Variants in ZNF782 observed in about 807,000 individuals in gnomAD.
The protein encoded by ZNF782 is zinc finger protein 782.
Under a neutral mutation model 13.0 loss-of-function variants are expected in ZNF782, and 12 were observed. The ratio of observed to expected loss-of-function variants is 0.92; its 90% CI spans 0.59 to 1.50. ZNF782 has a LOEUF of 1.50. ZNF782 is among the 40% of genes most tolerant of loss of function. ZNF782 has a pLI of 0.00. For missense variants in ZNF782, 770 were observed against 822.9 expected, an observed-to-expected ratio of 0.94 and a Z score of 0.79; for synonymous variants, 284 against 283.0, an observed-to-expected ratio of 1.00 and a Z score of -0.04.
chr9:96,859,366 C>A (rs768353729), upstream of ZNF782, among the ~76,000 whole-genome samples: 2 of 152,076 alleles, frequency 1.3e-5, no homozygotes, highest in African/African-American at 4.8e-5. Flanking sequence ...CTGACAGAGA[C>A]CTCTTTCTTC....
At chr9:96,858,145 T>G (rs185465982), upstream of ZNF782, among the ~76,000 whole-genome samples, 1 of 152,320 alleles carries the variant, frequency 6.6e-6, no homozygotes, top group East Asian at 1.9e-4. This position sits in a 1 kb window ranked among gnomAD's most constrained non-coding sequence, Gnocchi z 4.4. Flanking sequence ...CATTGTGCAT[T>G]TGCTCTTGCT....
At chr9:96,930,872 G>GTTTTTTTTTT in the ZNF782 span, among the ~76,000 whole-genome samples, 31 of 72,724 alleles carry the variant, frequency 4.3e-4, 7 homozygotes, top group Non-Finnish European at 5.0e-4. Flanking sequence ...CCATCCAGTG[G>GTTTTTTTTTT]TTTTTTTTTT....
At chr9:96,916,750 G>T in the ZNF782 span, among the ~76,000 whole-genome samples, 1 of 150,974 alleles carries the variant, frequency 6.6e-6, no homozygotes, top group African/African-American at 2.4e-5. Flanking sequence ...GAAGGGGGAA[G>T]GGAGGAGGGC....
the ZNF782 span, among the ~76,000 whole-genome samples, chr9:96,927,133 A>T: frequency 2.6e-4 from 40 of 152,298 alleles, no homozygotes; most frequent in East Asian, 1.9e-4. Flanking sequence ...AGGCTACAAT[A>T]ATTCCCATGC....
chr9:96,839,055 T>C (rs1046861707), intron 4 of ZNF782, among the ~76,000 whole-genome samples: 4 of 152,116 alleles, frequency 2.6e-5, no homozygotes, highest in African/African-American at 9.7e-5. Context: ...GGAAGAGTCC[T>C]GGCTTACCAC....
At chr9:96,830,891 G>T (rs1207973185) in intron 4 of ZNF782, among the ~76,000 whole-genome samples, 1 of 152,152 alleles carries the variant, frequency 6.6e-6, no homozygotes, top group African/African-American at 2.4e-5. Flanking sequence ...TATGAAGTAG[G>T]TATTTTAGAG....
At chr9:96,886,420 C>A in the ZNF782 span, among the ~76,000 whole-genome samples, 1 of 152,052 alleles carries the variant, frequency 6.6e-6, no homozygotes, top group Non-Finnish European at 1.5e-5. Flanking sequence ...AAACTCTACA[C>A]CTAATATGGT....
the ZNF782 span, chr9:96,894,146 G>A: frequency 6.6e-6 from 1 of 151,970 alleles, no homozygotes; most frequent in Non-Finnish European, 1.5e-5. Context: ...TGAACAATGA[G>A]AACACATGGA....
chr9:96,845,722 G>A (rs1410830349), intron 3 of ZNF782, among the ~76,000 whole-genome samples: 5 of 152,098 alleles, frequency 3.3e-5, no homozygotes, highest in Non-Finnish European at 7.4e-5. Flanking sequence ...CCAAACCTAA[G>A]AATAATTGAT....
At chr9:96,900,170 G>C in the ZNF782 span, among the ~76,000 whole-genome samples, 11 of 151,168 alleles carry the variant, frequency 7.3e-5, no homozygotes, top group Non-Finnish European at 1.0e-4. Flanking sequence ...TAAGCTCACA[G>C]AGCTGGGTCC....
chr9:96,831,702 G>C, intron 4 of ZNF782, among the ~76,000 whole-genome samples: 1 of 143,840 alleles, frequency 7.0e-6, no homozygotes, highest in Non-Finnish European at 1.5e-5. Context: ...GACAGAGTGA[G>C]ACTCTGTCTC....
chr9:96,862,548 C>CT (rs1216835498), intron 1 of ZNF782, among the ~76,000 whole-genome samples: 1 of 152,148 alleles, frequency 6.6e-6, no homozygotes, highest in Admixed American at 6.5e-5. Context: ...AATTACCACA[C>CT]TGTATATTTA....
the ZNF782 span, chr9:96,891,407 A>C: frequency 6.6e-6 from 1 of 152,372 alleles, no homozygotes; most frequent in Admixed American, 6.5e-5. Context: ...TAACATTTAC[A>C]TATAATGAAA....
intron 1 of ZNF782, among the ~76,000 whole-genome samples, chr9:96,867,821 G>C (rs968413968): frequency 4.6e-5 from 7 of 152,120 alleles, no homozygotes; most frequent in Non-Finnish European, 8.8e-5. Context: ...CCCAAACTTG[G>C]GGTGCTGGAT....
chr9:96,874,472 T>C lies in ZNF782; in HGVS notation c.-457+996A>G, dbSNP rs1399828293. Among the ~76,000 whole-genome samples, 4 of 152,186 alleles carry C rather than the reference T, an allele frequency of 2.6e-5. No individual in the cohort carries two copies. In the South Asian group the frequency reaches 6.2e-4, roughly 24 times the overall value. On this transcript the variant is annotated intron_variant, in intron 1 of 5. Coordinates refer to the ZNF782 transcript ENST00000498811. ...TTTCCACCCTCTGCCTGCTTACCTC[T>C]TACCCCTAGACCTCCCCACAAGCTC... is the stretch of plus-strand genomic sequence containing the variant.
upstream of ZNF782, among the ~76,000 whole-genome samples, chr9:96,878,452 C>T (rs1851920897): frequency 6.6e-6 from 1 of 152,154 alleles, no homozygotes; most frequent in Non-Finnish European, 1.5e-5. Context: ...AATGTAGCTC[C>T]CCCTCCTAAT....
upstream of ZNF782, among the ~76,000 whole-genome samples, chr9:96,855,489 A>G (rs151192206): frequency 6.5e-4 from 99 of 152,330 alleles, no homozygotes; most frequent in Middle Eastern, 3.4e-3. Context: ...GCTCCCACTT[A>G]TGAGTGAGAA....
chr9:96,917,546 C>T, the ZNF782 span, among the ~76,000 whole-genome samples: 3 of 151,716 alleles, frequency 2.0e-5, no homozygotes, highest in South Asian at 4.2e-4. Context: ...ATTCTCCTAC[C>T]TTAGCCTCCC....
At chr9:96,927,700 G>C in the ZNF782 span, among the ~76,000 whole-genome samples, 32,336 of 151,178 alleles carry the variant, frequency 0.21, 8,960 homozygotes, top group African/African-American at 0.64. Context: ...AAAGTGTACT[G>C]TAAATGTCAT....
Sources: allele counts gnomAD v4.1 joint callset (sites outside exome capture counted in the v4.1 genomes callset), GRCh38; gene constraint gnomAD v4.1.1; non-coding constraint Gnocchi (gnomAD v3.1); transcripts MANE v1.5; gene names NCBI Gene and HGNC (gene_info 2026-07-23, HGNC 2026-07-21).